Variants in TNRC6C observed in about 807,000 individuals in gnomAD.
The protein encoded by TNRC6C is trinucleotide repeat-containing gene 6C protein.
A neutral mutation model predicts 153.7 loss-of-function variants in TNRC6C; 20 were observed. That is an observed-to-expected ratio of 0.13 (90% CI 0.09 to 0.19). TNRC6C has a LOEUF of 0.19. Ranked by LOEUF, TNRC6C falls within the 10% of genes least tolerant of loss-of-function variation. The pLI, the probability that TNRC6C is intolerant of heterozygous loss-of-function variation, is 1.00. For missense variants in TNRC6C, 1,987 were observed against 2,172.0 expected, an observed-to-expected ratio of 0.91 and a Z score of 1.69; for synonymous variants, 811 against 841.4, an observed-to-expected ratio of 0.96 and a Z score of 0.63.
At chr17:77,966,469 G>A (rs1451435581) in intron 1 of TNRC6C, among the ~76,000 whole-genome samples, 2 of 152,176 alleles carry the variant, frequency 1.3e-5, no homozygotes, top group Non-Finnish European at 2.9e-5. Flanking sequence ...AATGATTGAC[G>A]TGGGTTGTTG....
At chr17:78,062,424 A>G (rs183782972) in intron 3 of TNRC6C, among the ~76,000 whole-genome samples, 12 of 152,338 alleles carry the variant, frequency 7.9e-5, no homozygotes, top group Admixed American at 7.8e-4. Flanking sequence ...TGATATTGTA[A>G]TATCCATGTT....
At chr17:78,086,862 A>G (rs35293083) in exon 13 of TNRC6C, 15 of 1,611,928 alleles carry the variant, frequency 9.3e-6, no homozygotes, top group Non-Finnish European at 1.3e-5. Flanking sequence ...GGTTGCGCGC[A>G]CAATCACTAA....
intron 12 of TNRC6C, 131 bp from the exon 15 acceptor site, chr17:78,086,722 A>G: frequency 6.4e-7 from 1 of 1,562,742 alleles, no homozygotes; most frequent in Non-Finnish European, 8.7e-7. Context: ...GGGTTCAGCT[A>G]GGTTTGGGAG....
chr17:78,031,265 T>TA (rs1221421964), intron 1 of TNRC6C, among the ~76,000 whole-genome samples: 7 of 152,266 alleles, frequency 4.6e-5, no homozygotes, highest in Admixed American at 1.3e-4. Context: ...GCTCCAGTCT[T>TA]AATGTATCAC....
chr17:78,031,548 C>A (rs2072074465), exon 2 of TNRC6C: 1 of 1,232,108 alleles, frequency 8.1e-7, no homozygotes, highest in Admixed American at 4.2e-5. Context: ...TTCAAGCCAG[C>A]CCCAACCTGC....
Position 77,973,852 on chromosome 17 carries a change from A to G in TNRC6C, c.-38+14584A>G, listed in dbSNP as rs2070962055. Among the ~76,000 whole-genome samples, 4 of 152,214 alleles carry G rather than the reference A, an allele frequency of 2.6e-5. No homozygotes were observed. The South Asian group carries it at 8.3e-4, about 32-fold the overall frequency. On this transcript the variant is annotated intron_variant, in intron 1 of 22. Transcript: ENST00000636222. ...AATTAAAGAGGATCCAAATAATTGG[A>G]GAGACATTCTGTGTTGATGGATGGG...
intron 3 of TNRC6C, among the ~76,000 whole-genome samples, chr17:78,053,228 G>T (rs1263047036): frequency 6.6e-6 from 1 of 152,170 alleles, no homozygotes; most frequent in South Asian, 2.1e-4. Context: ...TTGAATTTGT[G>T]ATTCCAATTG....
At chr17:77,986,948 A>G (rs1228472321) in intron 1 of TNRC6C, among the ~76,000 whole-genome samples, 1 of 152,194 alleles carries the variant, frequency 6.6e-6, no homozygotes, top group Non-Finnish European at 1.5e-5. Context: ...AAAAAATTTT[A>G]AGAAATCTAG....
intron 2 of TNRC6C, among the ~76,000 whole-genome samples, chr17:78,044,093 T>C (rs1030344605): frequency 9.9e-5 from 15 of 152,198 alleles, no homozygotes; most frequent in African/African-American, 3.6e-4. Flanking sequence ...TAGTATAACT[T>C]ATTATCAAAC....
At chr17:77,999,075 C>A (rs959159311) in intron 1 of TNRC6C, among the ~76,000 whole-genome samples, 7 of 152,220 alleles carry the variant, frequency 4.6e-5, no homozygotes, top group African/African-American at 1.2e-4. Context: ...TCAGATCTCA[C>A]AGCCTTTGTT....
chr17:77,975,297 G>C (rs1257732326), intron 1 of TNRC6C, among the ~76,000 whole-genome samples: 1 of 152,068 alleles, frequency 6.6e-6, no homozygotes, highest in Non-Finnish European at 1.5e-5. Flanking sequence ...CATATTTAAA[G>C]TATAACATTC....
intron 1 of TNRC6C, among the ~76,000 whole-genome samples, chr17:77,971,043 A>G (rs1002811858): frequency 2.6e-5 from 4 of 152,186 alleles, no homozygotes; most frequent in African/African-American, 9.7e-5. Context: ...GGTGGGGGGT[A>G]TAAAATTCTT....
At chr17:78,022,705 C>T (rs2071858129) in intron 1 of TNRC6C, among the ~76,000 whole-genome samples, 1 of 152,108 alleles carries the variant, frequency 6.6e-6, no homozygotes, top group African/African-American at 2.4e-5. Context: ...GTTTTGAGTT[C>T]TGGTGCATTT....
chr17:77,959,862 C>A (rs1393289338), intron 1 of TNRC6C, among the ~76,000 whole-genome samples: 1 of 152,180 alleles, frequency 6.6e-6, no homozygotes, highest in Non-Finnish European at 1.5e-5. Context: ...GCCGCCTCTG[C>A]TTTAAGCGGT....
intron 2 of TNRC6C, among the ~76,000 whole-genome samples, chr17:78,033,669 C>CAA (rs1157937375): frequency 8.0e-6 from 1 of 124,918 alleles, no homozygotes; most frequent in Non-Finnish European, 1.7e-5. Flanking sequence ...AACTCCGTTT[C>CAA]AAAAAAAAAA....
chr17:78,098,099 C>T (rs1218282088), intron 16 of TNRC6C, among the ~76,000 whole-genome samples: 1 of 152,188 alleles, frequency 6.6e-6, no homozygotes, highest in Non-Finnish European at 1.5e-5. Flanking sequence ...GGGCCCACTG[C>T]CTTCTCTCTT....
chr17:78,051,871 T>G (rs1185508711), intron 3 of TNRC6C, among the ~76,000 whole-genome samples: 1 of 152,200 alleles, frequency 6.6e-6, no homozygotes, highest in African/African-American at 2.4e-5. Context: ...GACATGCCCA[T>G]GAGCACAGCA....
intron 1 of TNRC6C, among the ~76,000 whole-genome samples, chr17:77,998,087 A>G (rs1295499244): frequency 1.3e-5 from 2 of 152,186 alleles, no homozygotes; most frequent in Non-Finnish European, 2.9e-5. Context: ...ATACAACCAT[A>G]TAACCATCAT....
At position 78,049,586 on chromosome 17, in the gene TNRC6C, A is replaced by G; in HGVS notation, c.524A>G (p.Gln175Arg). Residue 175 changes from glutamine to arginine, a missense_variant, in exon 3 of 20, where the codon CAA (glutamine) becomes CGA (arginine). By Grantham distance (43) the Gln-to-Arg change is conservative. This residue lies in a region of TNRC6C where 1,052 missense variants were observed against 1,017.0 expected (regional missense o/e 1.03). Coordinates refer to ENST00000301624, the Ensembl canonical transcript of TNRC6C. The surrounding 1 kb of genome is among the most constrained non-coding windows in gnomAD (Gnocchi z 4.1). ...TCTCAGAATGTGTCTTTCAGCGCAC[A>G]ACCTCAGAACCTTAACACTGATGGA... 6.2e-7 allele frequency: 1 copy of G among 1,614,014 alleles called. No homozygotes were observed. Among genetic ancestry groups the G allele is most frequent in the Non-Finnish European group, 8.5e-7 (1 of 1,179,904 alleles).
Sources: allele counts gnomAD v4.1 joint callset (sites outside exome capture counted in the v4.1 genomes callset), GRCh38; gene constraint gnomAD v4.1.1; regional missense constraint gnomAD v4.1.1; non-coding constraint Gnocchi (gnomAD v3.1); transcripts MANE v1.5; gene names NCBI Gene and HGNC (gene_info 2026-07-23, HGNC 2026-07-21).